PKHD1: variants seen among roughly 807,000 people sequenced by gnomAD.
The protein encoded by PKHD1 is fibrocystin.
PKHD1 carries 291 observed loss-of-function variants against 412.0 expected under a neutral mutation model. That is an observed-to-expected ratio of 0.71 (90% confidence interval 0.64 to 0.78). The LOEUF is 0.78. Among genes scored for constraint, PKHD1 ranks in the 30% least tolerant of loss-of-function variants. The probability of loss-of-function intolerance (pLI) is 0.00; values close to 1 mark genes in which losing one functional copy is unlikely to be tolerated. For synonymous variants in PKHD1, 1,777 were observed against 1,821.5 expected, an observed-to-expected ratio of 0.98 and a Z score of 0.62; for missense variants, 4,825 against 4,950.7, an observed-to-expected ratio of 0.97 and a Z score of 0.76.
intron 49 of PKHD1, among the ~76,000 whole-genome samples, chr6:51,850,536 C>T (rs9367463): frequency 0.41 from 61,922 of 152,028 alleles, 13,798 homozygotes; most frequent in East Asian, 0.85. Flanking sequence ...CGTGGAATGT[C>T]TTTCCATTTG....
In PKHD1 at chr6:52,022,800, C is replaced by G; in HGVS notation, c.5380+1G>C. On this transcript the variant is annotated splice_donor_variant, in intron 33 of 66. Transcript: ENST00000371117. LOFTEE classifies it high-confidence loss of function. ...TATATGTGTGTGGCATCTTTACTCACCATCCAGGGGCAGAACCAAGCAGCT... is the reference window on the plus strand; with the variant it reads ...TATATGTGTGTGGCATCTTTACTCAGCATCCAGGGGCAGAACCAAGCAGCT... 6.2e-7 allele frequency: 1 copy of G among 1,613,966 alleles called. No homozygotes were observed. Among genetic ancestry groups the G allele is most frequent in the Non-Finnish European group, 8.5e-7 (1 of 1,179,946 alleles).
chr6:51,792,426 C>G (rs1029435177), intron 52 of PKHD1, among the ~76,000 whole-genome samples: 8 of 152,168 alleles, frequency 5.3e-5, no homozygotes, highest in Non-Finnish European at 1.2e-4. Flanking sequence ...AGGACATGCC[C>G]AAGCAAATTA....
At chr6:51,810,859 A>C (rs1342347726) in intron 52 of PKHD1, among the ~76,000 whole-genome samples, 1 of 152,204 alleles carries the variant, frequency 6.6e-6, no homozygotes, top group Non-Finnish European at 1.5e-5. Flanking sequence ...AGAAAGTACA[A>C]TCTTGGGGAA....
chr6:51,779,895 T>C (rs914476996), intron 53 of PKHD1, among the ~76,000 whole-genome samples: 4 of 152,156 alleles, frequency 2.6e-5, no homozygotes, highest in Non-Finnish European at 5.9e-5. Context: ...ATGCGCATTC[T>C]TTTAAACCTT....
chr6:52,029,252 G>A (rs1802685789), intron 29 of PKHD1, among the ~76,000 whole-genome samples: 1 of 152,004 alleles, frequency 6.6e-6, no homozygotes, highest in Admixed American at 6.6e-5. Context: ...CAAGACCTGA[G>A]CCCAGTCTTT....
intron 43 of PKHD1, among the ~76,000 whole-genome samples, chr6:51,896,112 G>A (rs1334556852): frequency 6.6e-6 from 1 of 152,198 alleles, no homozygotes; most frequent in Non-Finnish European, 1.5e-5. Context: ...CCATTGCCCA[G>A]GCTCGCTTAG....
In PKHD1 at chr6:52,022,874, C is replaced by G; in HGVS notation, c.5307G>C (p.Val1769=). Residue 1769 remains valine, a synonymous_variant, in exon 33 of 67, where the codon GTG becomes GTC. Transcript: ENST00000371117. ...CCAGGACTCGGCAGGGAGCACCACA[C>G]ACAGCAGCTGAGACATTCCCTGGAG... The part of the protein sequence containing the change: ...GFSPGNVSAA[V]CGAPCRVLAN... 4 of 1,614,172 alleles carry G rather than the reference C, an allele frequency of 2.5e-6. No homozygotes were observed. Among genetic ancestry groups the G allele is most frequent in the Non-Finnish European group, 3.4e-6 (4 of 1,180,044 alleles).
chr6:52,084,747 A>T (rs569409732), intron 2 of PKHD1, 135 bp downstream of exon 2: 1 of 743,844 alleles, frequency 1.3e-6, no homozygotes, highest in East Asian at 2.5e-5. Flanking sequence ...TTTTAACTCA[A>T]TTTTTTGATT....
At chr6:51,839,797 C>T (rs551627690) in intron 50 of PKHD1, among the ~76,000 whole-genome samples, 5 of 151,906 alleles carry the variant, frequency 3.3e-5, no homozygotes, top group South Asian at 4.2e-4. Flanking sequence ...CTCACTTTGT[C>T]GTTTTAGTTT....
chr6:52,009,161 G>C (rs1244517644), intron 35 of PKHD1, among the ~76,000 whole-genome samples: 1 of 152,202 alleles, frequency 6.6e-6, no homozygotes, highest in African/African-American at 2.4e-5. Flanking sequence ...AGAGGTGTTT[G>C]TGGGGGACAC....
intron 35 of PKHD1, among the ~76,000 whole-genome samples, chr6:51,980,034 T>C (rs1562042495): frequency 6.6e-6 from 1 of 152,162 alleles, no homozygotes; most frequent in Non-Finnish European, 1.5e-5. Flanking sequence ...GGACAAGGAC[T>C]ATATGGTAGT....
At chr6:51,760,708 A>G (rs1235870786) in intron 55 of PKHD1, among the ~76,000 whole-genome samples, 1 of 152,144 alleles carries the variant, frequency 6.6e-6, no homozygotes, top group East Asian at 1.9e-4. Flanking sequence ...CAAACAAAAT[A>G]TATACAAAGA....
intron 37 of PKHD1, among the ~76,000 whole-genome samples, chr6:51,917,195 G>GTA (rs1783954444): frequency 2.6e-5 from 3 of 113,942 alleles, no homozygotes; most frequent in Non-Finnish European, 5.1e-5. Context: ...GAGGTGGGGG[G>GTA]GAGAGAGAGA....
chr6:51,965,289 T>C (rs1036762227), intron 35 of PKHD1, among the ~76,000 whole-genome samples: 2 of 152,140 alleles, frequency 1.3e-5, no homozygotes, highest in African/African-American at 2.4e-5. Context: ...GAGGATTAGA[T>C]GGCTGACCAC....
At chr6:51,828,912 A>G (rs745942929) in intron 52 of PKHD1, among the ~76,000 whole-genome samples, 1 of 152,162 alleles carries the variant, frequency 6.6e-6, no homozygotes, top group Admixed American at 6.6e-5. Flanking sequence ...TCAATCGCTC[A>G]TCAATCACAG....
intron 52 of PKHD1, among the ~76,000 whole-genome samples, chr6:51,819,264 A>C (rs1340276394): frequency 6.6e-6 from 1 of 152,220 alleles, no homozygotes; most frequent in Non-Finnish European, 1.5e-5. Context: ...GTCATATAAA[A>C]GGATTTGAAA....
chr6:51,787,621 A>G (rs1793097259), intron 53 of PKHD1, among the ~76,000 whole-genome samples: 1 of 152,192 alleles, frequency 6.6e-6, no homozygotes, highest in Non-Finnish European at 1.5e-5. Context: ...CCAATAACCT[A>G]CCTTTAGGCC....
intron 46 of PKHD1, among the ~76,000 whole-genome samples, chr6:51,874,034 A>C (rs1398992022): frequency 6.6e-6 from 1 of 152,216 alleles, no homozygotes; most frequent in African/African-American, 2.4e-5. Context: ...AAGGGGCCCT[A>C]CAACAGAATT....
chr6:51,976,387 A>G (rs1420331865), intron 35 of PKHD1, among the ~76,000 whole-genome samples: 1 of 152,228 alleles, frequency 6.6e-6, no homozygotes, highest in Admixed American at 6.5e-5. Flanking sequence ...GAAATAAACC[A>G]AACACAAAAG....
Sources: allele counts gnomAD v4.1 joint callset (sites outside exome capture counted in the v4.1 genomes callset), GRCh38; gene constraint gnomAD v4.1.1; transcripts MANE v1.5; gene names NCBI Gene and HGNC (gene_info 2026-07-23, HGNC 2026-07-21).